Variants in ZSWIM9 observed in about 807,000 individuals in gnomAD.
ZSWIM9 encodes uncharacterized protein ZSWIM9.
A neutral mutation model predicts 25.0 loss-of-function variants in ZSWIM9; 11 were observed. The ratio of observed to expected loss-of-function variants is 0.44; its 90% confidence interval spans 0.28 to 0.73. The LOEUF (loss-of-function observed/expected upper bound fraction) is 0.73, where lower values mean the gene tolerates loss of function less well. ZSWIM9 is among the 30% of genes least tolerant of loss of function. ZSWIM9 has a pLI of 0.16. For synonymous variants in ZSWIM9, 562 were observed against 582.1 expected (o/e 0.97, Z 0.50); for missense variants, 1,070 against 1,296.5 (o/e 0.83, Z 2.68).
In ZSWIM9 at chr19:48,196,528, C is replaced by T. The variant is rs530435141; in HGVS notation, c.2464C>T (p.Pro822Ser). The change falls in exon 4 of 4, where the codon CCC becomes TCC. Residue 822 changes from proline (P) to serine (S), a missense_variant. Transcript: ENST00000614654. ...PPGEEEVDWEPLAKFRAACGP... is the reference protein window; with the variant it reads ...PPGEEEVDWESLAKFRAACGP... ...GGGAGAGGAGGAGGTGGACTGGGAACCCCTGGCCAAATTCCGAGCAGCCTG... is the reference window on the plus strand; with the variant it reads ...GGGAGAGGAGGAGGTGGACTGGGAATCCCTGGCCAAATTCCGAGCAGCCTG... The T allele has an allele frequency of 2.4e-6, 3 of 1,232,464 alleles. No homozygotes were observed. Among genetic ancestry groups the T allele is most frequent in the South Asian group, 4.1e-5 (1 of 24,316 alleles). 76.3% of individuals were successfully genotyped at this position (1,232,464 alleles called of 1,614,324 possible).
chr19:48,193,081 A>C (rs754937719), intron 3 of ZSWIM9: 7 of 155,160 alleles, frequency 4.5e-5, no homozygotes, highest in Admixed American at 6.5e-5. Context: ...AATACTGCTG[A>C]GAGATCGAGA....
intron 2 of ZSWIM9, among the ~76,000 whole-genome samples, chr19:48,178,295 A>T (rs537205047): frequency 6.6e-6 from 1 of 152,200 alleles, no homozygotes; most frequent in Non-Finnish European, 1.5e-5. Flanking sequence ...GCATGTAGGA[A>T]AAAAGGGGTG....
In ZSWIM9 at chr19:48,196,931, T is replaced by C. The variant is rs889591603; in HGVS notation, c.*104T>C. 1 of 1,171,424 alleles carries C rather than the reference T, an allele frequency of 8.5e-7. No individual in the cohort carries two copies. Among genetic ancestry groups the C allele is most frequent in the Non-Finnish European group, 1.1e-6 (1 of 918,964 alleles). The allele number at this position is 1,171,424 out of a possible 1,614,324, so 72.6% of individuals were successfully genotyped here. On this transcript the variant is annotated 3_prime_UTR_variant, in exon 4 of 4. Transcript: ENST00000614654. ...GCCAAGGAGACCGTTGCAGTCCCCCTGGCCACCTTCTGGGTCATCCAGGGA... is the reference window on the plus strand; with the variant it reads ...GCCAAGGAGACCGTTGCAGTCCCCCCGGCCACCTTCTGGGTCATCCAGGGA...
At chr19:48,185,134 A>C (rs1264837334) in intron 3 of ZSWIM9, among the ~76,000 whole-genome samples, 1 of 135,568 alleles carries the variant, frequency 7.4e-6, no homozygotes, top group African/African-American at 2.8e-5. Context: ...ACCTGCTTTC[A>C]TACTTTTTTT....
rs2036965904 is a variant in ZSWIM9 at position 48,182,806 on chromosome 19, G to A, written c.588+39G>A. ...AGAGGCAGGCCGGGGGAGGGGGCGG[G>A]GGAAAGCCGCGCTGAAGACTCGTGG... On this transcript the variant is annotated intron_variant, in intron 3 of 3. Coordinates refer to ENST00000614654, the MANE Select transcript of ZSWIM9 (RefSeq NM_199341.4). The surrounding 1 kb of genome is among the most constrained non-coding windows in gnomAD (Gnocchi z 4.6). The A allele has an allele frequency of 6.9e-7, 1 of 1,456,010 alleles. No homozygotes were observed. The highest frequency in any genetic ancestry group is 9.2e-7 in the Non-Finnish European group (1 of 1,088,398). The allele number at this position is 1,456,010 out of a possible 1,614,324, so 90.2% of individuals were successfully genotyped here.
chr19:48,187,212 G>C (rs1160859512), intron 3 of ZSWIM9, among the ~76,000 whole-genome samples: 6 of 141,424 alleles, frequency 4.2e-5, no homozygotes, highest in Admixed American at 2.2e-4. Flanking sequence ...AAAAAAAAAA[G>C]CCATTTTAAA....
chr19:48,191,092 A>ATGTGTGTGTGTG (rs940221946), intron 3 of ZSWIM9, among the ~76,000 whole-genome samples: 143 of 96,544 alleles, frequency 1.5e-3, no homozygotes, highest in African/African-American at 4.0e-3. Context: ...GTGTATGTGT[A>ATGTGTGTGTGTG]TGTGTGTGTG....
At position 48,197,341 on chromosome 19, in the gene ZSWIM9, A is replaced by C. The variant is rs1568586020; in HGVS notation, c.*514A>C. The C allele has an allele frequency of 8.6e-6, 6 of 698,392 alleles. No homozygotes were observed. Among genetic ancestry groups the C allele is most frequent in the Non-Finnish European group, 1.6e-5 (6 of 382,844 alleles). 43.3% of individuals were successfully genotyped at this position (698,392 alleles called of 1,614,324 possible). On this transcript the variant is annotated 3_prime_UTR_variant, in exon 4 of 4. Coordinates refer to ENST00000614654, the MANE Select transcript of ZSWIM9 (RefSeq NM_199341.4). ...GACAAGCAAAGAGACAGAAATGAAG[A>C]CATGAGGAAAAGCTGGGGGAAGCAG...
chr19:48,180,252 G>C (rs1008784110), intron 2 of ZSWIM9, among the ~76,000 whole-genome samples: 3 of 151,946 alleles, frequency 2.0e-5, no homozygotes, highest in African/African-American at 7.3e-5. Context: ...CCAACCTCAG[G>C]TGATCCGCCC....
Position 48,195,411 on chromosome 19 carries a change from C to A in ZSWIM9, c.1347C>A (p.Gly449=). ...AGEAVPEGPD[G]GGPWLEDEPG... ...AGGCGGTGCCCGAGGGGCCCGATGG[C>A]GGGGGGCCTTGGCTGGAGGATGAGC... The change falls in exon 4 of 4, where the codon GGC becomes GGA. Residue 449 remains glycine, a synonymous_variant. Coordinates refer to ENST00000614654, the MANE Select transcript of ZSWIM9 (RefSeq NM_199341.4). The surrounding 1 kb of genome is among the most constrained non-coding windows in gnomAD (Gnocchi z 5.8). 1 of 1,460,632 alleles carries A rather than the reference C, an allele frequency of 6.8e-7. No homozygotes were observed. 90.5% of individuals were successfully genotyped at this position (1,460,632 alleles called of 1,614,324 possible).
chr19:48,185,561 G>A (rs2037002042), intron 3 of ZSWIM9, among the ~76,000 whole-genome samples: 1 of 152,168 alleles, frequency 6.6e-6, no homozygotes, highest in South Asian at 2.1e-4. Context: ...AAGGTATGTG[G>A]TGAAAAGTCT....
Position 48,195,419 on chromosome 19 carries a change from CT to C in ZSWIM9, c.1357del (p.Trp453GlyfsTer17). The C allele has an allele frequency of 6.9e-7, 1 of 1,453,952 alleles. No homozygotes were observed. The allele number at this position is 1,453,952 out of a possible 1,614,324, so 90.1% of individuals were successfully genotyped here. A position where few individuals can be genotyped will look rare whatever the true frequency, so the allele number is the denominator to read the frequency against. On this transcript the variant is annotated frameshift_variant, in exon 4 of 4. Coordinates refer to ENST00000614654, the MANE Select transcript of ZSWIM9 (RefSeq NM_199341.4). LOFTEE classifies it low-confidence loss of function (END_TRUNC). This position sits in a 1 kb window ranked among gnomAD's most constrained non-coding sequence, Gnocchi z 5.8. Reference sequence around the variant, plus strand: ...CCCGAGGGGCCCGATGGCGGGGGGCCTTGGCTGGAGGATGAGCCAGGGAGGG... The same window carrying C: ...CCCGAGGGGCCCGATGGCGGGGGGCCTGGCTGGAGGATGAGCCAGGGAGGG... ...AVPEGPDGGG[P>X]WLEDEPGRGA...
At chr19:48,177,159 G>A (rs2036902077) in intron 2 of ZSWIM9, among the ~76,000 whole-genome samples, 1 of 152,206 alleles carries the variant, frequency 6.6e-6, no homozygotes, top group Non-Finnish European at 1.5e-5. Context: ...ACTTCCTGGA[G>A]GAGGCGATGC....
At chr19:48,189,422 G>T (rs1458158107) in intron 3 of ZSWIM9, 1 of 152,136 alleles carries the variant, frequency 6.6e-6, no homozygotes, top group Non-Finnish European at 1.5e-5. Flanking sequence ...CAAAAAATTA[G>T]CCAGGCATGG....
rs188005297 is a variant in ZSWIM9, at chr19:48,195,473, G to A, written c.1409G>A (p.Arg470Lys). 6.9e-4 allele frequency: 985 copies of A among 1,419,072 alleles called. No homozygotes were observed. The highest frequency in any genetic ancestry group is 8.7e-4 in the Non-Finnish European group (949 of 1,094,062). 87.9% of individuals were successfully genotyped at this position (1,419,072 alleles called of 1,614,324 possible). Residue 470 changes from arginine (R) to lysine (K), a missense_variant, in exon 4 of 4, where the codon AGG (arginine) becomes AAG (lysine). By Grantham distance (26) the Arg-to-Lys change is conservative (BLOSUM62 2). Around this residue, in one of 4 missense-constraint regions of ZSWIM9, gnomAD observed 583 missense variants for 624.7 expected, o/e 0.93. Coordinates refer to ENST00000614654, the MANE Select transcript of ZSWIM9 (RefSeq NM_199341.4). The surrounding 1 kb of genome is among the most constrained non-coding windows in gnomAD (Gnocchi z 5.8). ...GCCCAGGGGGAGAACGAGAGGGTGAGGGGCCTGGAGACAGGCGACTGGGGA... is the reference window on the plus strand; with the variant it reads ...GCCCAGGGGGAGAACGAGAGGGTGAAGGGCCTGGAGACAGGCGACTGGGGA... ...RGAQGENERV[R>K]GLETGDWGGA...
intron 3 of ZSWIM9, chr19:48,183,163 C>T (rs1051902897): frequency 6.2e-6 from 1 of 162,012 alleles, no homozygotes; most frequent in Non-Finnish European, 1.3e-5. Flanking sequence ...CTGGAGTGCT[C>T]TATCACCCAG....
At position 48,196,120 on chromosome 19, in the gene ZSWIM9, T is replaced by C. The variant is rs2037161865; in HGVS notation, c.2056T>C (p.Trp686Arg). The change falls in exon 4 of 4, where the codon TGG becomes CGG. Residue 686 changes from tryptophan (W) to arginine (R), a missense_variant. Coordinates refer to ENST00000614654, the MANE Select transcript of ZSWIM9 (RefSeq NM_199341.4). ...PENGDQRGPQ[W>R]EDERRRGPEI... ...GAACGGAGACCAAAGGGGACCCCAG[T>C]GGGAAGATGAGAGGAGGAGAGGGCC... 1.6e-6 allele frequency: 2 copies of C among 1,235,340 alleles called. No individual in the cohort carries two copies. The highest frequency in any genetic ancestry group is 3.2e-5 in the African/African-American group (2 of 62,520). 76.5% of individuals were successfully genotyped at this position (1,235,340 alleles called of 1,614,324 possible). A position where few individuals can be genotyped will look rare whatever the true frequency, so the allele number is the denominator to read the frequency against.
chr19:48,174,203 A>C lies in ZSWIM9; in HGVS notation c.275+2126A>C, dbSNP rs77135858. ...ACAAGAACAGAGTGCTTAAGAACAC[A>C]GGCTCTGCCTTTAGGCTGCCTGAGA... On this transcript the variant is annotated intron_variant, in intron 2 of 3. Transcript: ENST00000614654. 4.0e-3 allele frequency among the ~76,000 whole-genome samples: 607 copies of C among 152,156 alleles called. 8 individuals carry two copies. Among genetic ancestry groups the C allele is most frequent in the African/African-American group, 0.014 (572 of 41,518 alleles).
At chr19:48,176,516 A>G (rs531460013) in intron 2 of ZSWIM9, among the ~76,000 whole-genome samples, 1 of 152,212 alleles carries the variant, frequency 6.6e-6, no homozygotes, top group African/African-American at 2.4e-5. Context: ...TACTAAGCCC[A>G]TGATTTTAAT....
Sources: gnomAD v4.1 joint callset for allele counts (sites outside exome capture counted in the v4.1 genomes callset) on GRCh38, gnomAD v4.1.1 for gene constraint, gnomAD v4.1.1 regional missense constraint, Gnocchi (gnomAD v3.1) non-coding constraint, MANE v1.5 for transcripts, NCBI Gene and HGNC (gene_info 2026-07-23, HGNC 2026-07-21) for gene names.